The following SH3D19 variants were observed in gnomAD, a reference collection of about 807,000 sequenced individuals.
SH3D19 encodes the protein SH3 domain containing 19, also known as SH3 domain-containing protein 19.
In SH3D19, 58 loss-of-function variants were observed where a neutral mutation model predicts 112.1. The observed-to-expected ratio is 0.52, with a 90% confidence interval of 0.42 to 0.64. The LOEUF is 0.64. Among genes scored for constraint, SH3D19 ranks in the 30% least tolerant of loss-of-function variants. SH3D19 has a pLI of 0.00. For missense variants in SH3D19, 1,090 were observed against 1,263.4 expected, an observed-to-expected ratio of 0.86 and a Z score of 2.08; for synonymous variants, 391 against 448.5, an observed-to-expected ratio of 0.87 and a Z score of 1.62.
chr4:151,148,359 G>A (rs1203676303), intron 10 of SH3D19, among the ~76,000 whole-genome samples, 173 bp from the exon 11 acceptor site: 1 of 151,978 alleles, frequency 6.6e-6, no homozygotes, highest in African/African-American at 2.4e-5. Flanking sequence ...TTGAGCAAAC[G>A]ACTGCTGCAT....
intron 1 of SH3D19, chr4:151,291,473 T>C (rs1775333235): frequency 2.0e-6 from 3 of 1,470,450 alleles, no homozygotes; most frequent in African/African-American, 2.8e-5. Flanking sequence ...GAGCCACTGC[T>C]AACCCTGGGT....
At chr4:151,234,350 G>A (rs943389746) in intron 1 of SH3D19, among the ~76,000 whole-genome samples, 1 of 152,188 alleles carries the variant, frequency 6.6e-6, no homozygotes, top group Non-Finnish European at 1.5e-5. Flanking sequence ...TTGTTTCAGA[G>A]ATGAAATCAA....
At chr4:151,162,265 G>A (rs1315680793) in intron 8 of SH3D19, among the ~76,000 whole-genome samples, 1 of 151,612 alleles carries the variant, frequency 6.6e-6, no homozygotes, top group Non-Finnish European at 1.5e-5. Context: ...TTCTGTTCCT[G>A]TGTTAGCATG....
At chr4:151,282,227 G>A (rs769232154) in intron 1 of SH3D19, 13 of 1,613,776 alleles carry the variant, frequency 8.1e-6, no homozygotes, top group African/African-American at 6.7e-5. Flanking sequence ...GAAGTACTAC[G>A]TGTCCAAAAT....
chr4:151,124,605 C>CTGA (rs1373655471), intron 19 of SH3D19, among the ~76,000 whole-genome samples: 2 of 152,012 alleles, frequency 1.3e-5, no homozygotes, highest in African/African-American at 4.8e-5. Context: ...GTAGTCCCAG[C>CTGA]TACTCAGGAG....
At chr4:151,266,260 G>T (rs1772783931) in intron 1 of SH3D19, 1 of 152,228 alleles carries the variant, frequency 6.6e-6, no homozygotes, top group Non-Finnish European at 1.5e-5. Flanking sequence ...GAAGGGAAAA[G>T]TCCGTTAACT....
At chr4:151,218,611 T>C (rs1767520891) in intron 2 of SH3D19, among the ~76,000 whole-genome samples, 1 of 152,110 alleles carries the variant, frequency 6.6e-6, no homozygotes, top group African/African-American at 2.4e-5. Flanking sequence ...ATAGATAATA[T>C]TGCAAATCCT....
chr4:151,244,972 G>A (rs750480272), intron 1 of SH3D19, among the ~76,000 whole-genome samples: 4 of 151,918 alleles, frequency 2.6e-5, no homozygotes, highest in South Asian at 4.1e-4. Context: ...GTGAAATCTC[G>A]TATCTACTAA....
Position 151,149,982 on chromosome 4 carries a change from G to A in SH3D19, c.1756-421C>T, listed in dbSNP as rs369664995. ...GGGTGGATCACGAGGTCAGGAGATAGAGACCATCCTGGCTAACACAGTGAA... is the reference window on the plus strand; with the variant it reads ...GGGTGGATCACGAGGTCAGGAGATAAAGACCATCCTGGCTAACACAGTGAA... On this transcript the variant is annotated intron_variant, in intron 9 of 19. Coordinates refer to ENST00000604030, the MANE Select transcript of SH3D19 (RefSeq NM_001378122.1). 9.9e-5 allele frequency among the ~76,000 whole-genome samples: 15 copies of A among 151,598 alleles called. No individual in the cohort carries two copies. In the East Asian group the frequency reaches 2.9e-3, roughly 30 times the overall value.
rs752280673 is a variant in SH3D19 at position 151,137,856 on chromosome 4, A to G, written c.2303T>C (p.Val768Ala). The G allele has an allele frequency of 6.3e-7, 1 of 1,598,986 alleles. No individual in the cohort carries two copies. Among genetic ancestry groups the G allele is most frequent in the Non-Finnish European group, 8.5e-7 (1 of 1,175,742 alleles). ...TCCAGAAGTGAGGTTCAAATCATCA[A>G]CTTGCTCTGTAATATAAAATTATAG... ...VVLHDFPAEQ[V>A]DDLNLTSGEI... The change falls in exon 14 of 20, where the codon GTT (valine) becomes GCT (alanine). Residue 768 changes from valine (V) to alanine (A), a missense_variant. By Grantham distance (64) the Val-to-Ala change is moderately conservative. Transcript: ENST00000604030.
chr4:151,150,243 A>G (rs1209912065), intron 9 of SH3D19, among the ~76,000 whole-genome samples: 2 of 51,902 alleles, frequency 3.9e-5, no homozygotes, highest in Admixed American at 2.9e-4. Flanking sequence ...ACACACATAT[A>G]TATATATACA....
Position 151,120,409 on chromosome 4 carries a change from A to G in SH3D19, c.*1682T>C, listed in dbSNP as rs901362376. The stretch of plus-strand genomic sequence containing the variant: ...CCTCTAATAAAGATAGGTTTTCAGA[A>G]TCTTCAATATAAGATGTTAAAATTA... On this transcript the variant is annotated 3_prime_UTR_variant, in exon 20 of 20. Transcript: ENST00000604030. The G allele has an allele frequency of 1.3e-5, 2 of 152,604 alleles. No homozygotes were observed. The highest frequency in any genetic ancestry group is 2.9e-5 in the Non-Finnish European group (2 of 68,036). 9.5% of individuals were successfully genotyped at this position (152,604 alleles called of 1,614,324 possible).
intron 1 of SH3D19, among the ~76,000 whole-genome samples, chr4:151,288,713 T>C (rs1377503921): frequency 6.6e-6 from 1 of 152,108 alleles, no homozygotes; most frequent in Non-Finnish European, 1.5e-5. Context: ...TGTATTTCCA[T>C]GCAGTTGCAA....
At position 151,175,316 on chromosome 4, in the gene SH3D19, T is replaced by A; in HGVS notation, c.888A>T (p.Arg296Ser). 1 of 1,613,852 alleles carries A rather than the reference T, an allele frequency of 6.2e-7. No homozygotes were observed. Among genetic ancestry groups the A allele is most frequent in the Non-Finnish European group, 8.5e-7 (1 of 1,179,942 alleles). ...TEQSQNSIVSRIKVFEGQTNI... is the reference protein window; with the variant it reads ...TEQSQNSIVSSIKVFEGQTNI... ...TTGTCTGACCCTCAAACACTTTAAT[T>A]CTGGAAACAATACTATTTTGGCTTT... The change falls in exon 7 of 20, where the codon AGA becomes AGT. Residue 296 changes from arginine (R) to serine (S), a missense_variant. Transcript: ENST00000604030.
At chr4:151,314,818 C>T (rs1228082677) in intron 1 of SH3D19, among the ~76,000 whole-genome samples, 1 of 152,190 alleles carries the variant, frequency 6.6e-6, no homozygotes, top group Admixed American at 6.5e-5. Context: ...CTCAGTGCTT[C>T]GGTTCCAACC....
intron 1 of SH3D19, among the ~76,000 whole-genome samples, chr4:151,253,416 C>T (rs6842019): frequency 0.18 from 27,361 of 152,172 alleles, 3,917 homozygotes; most frequent in African/African-American, 0.38. Context: ...CCCACTCCAG[C>T]ATCCCTAAGT....
chr4:151,277,846 G>A (rs889197460), intron 1 of SH3D19, among the ~76,000 whole-genome samples: 5 of 152,136 alleles, frequency 3.3e-5, no homozygotes, highest in Non-Finnish European at 5.9e-5. Flanking sequence ...TTCAAGACCA[G>A]CCTGGGCAAC....
At chr4:151,184,132 C>T (rs1761364636) in intron 3 of SH3D19, among the ~76,000 whole-genome samples, 1 of 152,080 alleles carries the variant, frequency 6.6e-6, no homozygotes, top group Non-Finnish European at 1.5e-5. Flanking sequence ...ACCAAAAATA[C>T]TCAGGATTCA....
rs368538753 is a variant in SH3D19 at position 151,194,441 on chromosome 4, T to C, written c.153-6978A>G. ...CAGGAAAAAAATAAGCGATAAAATATAGACAAATATATGGTAGTTTCAGTT... is the reference window on the plus strand; with the variant it reads ...CAGGAAAAAAATAAGCGATAAAATACAGACAAATATATGGTAGTTTCAGTT... On this transcript the variant is annotated intron_variant, in intron 2 of 19. Coordinates refer to ENST00000604030, the MANE Select transcript of SH3D19 (RefSeq NM_001378122.1). Among the ~76,000 whole-genome samples the C allele has an allele frequency of 9.9e-5, 15 of 152,134 alleles. 1 individual carries two copies. Among genetic ancestry groups the C allele is most frequent in the African/African-American group, 3.6e-4 (15 of 41,496 alleles).
Sources: gnomAD v4.1 joint callset for allele counts (sites outside exome capture counted in the v4.1 genomes callset) on GRCh38, gnomAD v4.1.1 for gene constraint, MANE v1.5 for transcripts, NCBI Gene and HGNC (gene_info 2026-07-23, HGNC 2026-07-21) for gene names.